Variants in RIT2 observed in about 807,000 individuals in gnomAD.
The protein encoded by RIT2 is Ras like without CAAX 2, also known as GTP-binding protein Rit2.
A neutral mutation model predicts 23.7 loss-of-function variants in RIT2; 24 were observed. The observed-to-expected ratio is 1.01, with a 90% CI of 0.73 to 1.43. The LOEUF is 1.43. Ranked by LOEUF, RIT2 falls within the 40% of genes most tolerant of loss-of-function variation. The probability of loss-of-function intolerance (pLI) is 0.00; values close to 1 mark genes in which losing one functional copy is unlikely to be tolerated. For synonymous variants in RIT2, 107 were observed against 91.1 expected, an observed-to-expected ratio of 1.17 and a Z score of -0.99; for missense variants, 236 against 266.9, an observed-to-expected ratio of 0.88 and a Z score of 0.81.
intron 4 of RIT2, among the ~76,000 whole-genome samples, chr18:42,748,682 A>T (rs28449646): frequency 0.042 from 6,342 of 152,082 alleles, 415 homozygotes; most frequent in East Asian, 0.28. Flanking sequence ...AAAACATGAA[A>T]CCAGCGCAGA....
intron 4 of RIT2, among the ~76,000 whole-genome samples, chr18:42,853,599 G>A (rs553519411): frequency 2.0e-5 from 3 of 151,954 alleles, no homozygotes; most frequent in Non-Finnish European, 4.4e-5. Flanking sequence ...TTATATTTTT[G>A]GCTTCTTTAC....
At chr18:42,906,726 A>G (rs16977124) in intron 4 of RIT2, among the ~76,000 whole-genome samples, 15,610 of 152,264 alleles carry the variant, frequency 0.1, 1,042 homozygotes, top group East Asian at 0.24. Context: ...CATTTATGGA[A>G]CACTGCCTTT....
chr18:42,862,206 T>C (rs941295617), intron 4 of RIT2, among the ~76,000 whole-genome samples: 1 of 152,126 alleles, frequency 6.6e-6, no homozygotes, highest in African/African-American at 2.4e-5. Flanking sequence ...GCTGTTCTTA[T>C]GATAGAGAGC....
intron 1 of RIT2, among the ~76,000 whole-genome samples, chr18:43,045,540 C>T (rs559023331): frequency 1.1e-4 from 16 of 152,188 alleles, no homozygotes; most frequent in African/African-American, 3.1e-4. Context: ...TTAAGGCACC[C>T]GTGATTTAAG....
At chr18:42,918,446 T>C (rs1021647111) in intron 4 of RIT2, among the ~76,000 whole-genome samples, 2 of 152,158 alleles carry the variant, frequency 1.3e-5, no homozygotes, top group Non-Finnish European at 2.9e-5. Flanking sequence ...TTAATTGAAT[T>C]TGGCTATCTA....
At chr18:43,030,965 A>T (rs1911840337) in intron 2 of RIT2, among the ~76,000 whole-genome samples, 1 of 152,106 alleles carries the variant, frequency 6.6e-6, no homozygotes, top group South Asian at 2.1e-4. Context: ...CTCACAGAAG[A>T]GTATAAGACT....
chr18:42,908,925 A>G (rs1908694513), intron 4 of RIT2, among the ~76,000 whole-genome samples: 1 of 152,162 alleles, frequency 6.6e-6, no homozygotes, highest in Admixed American at 6.6e-5. Context: ...GTGATTCCTT[A>G]AAGAACAAAA....
intron 4 of RIT2, among the ~76,000 whole-genome samples, chr18:42,795,653 C>A (rs1219146278): frequency 6.6e-6 from 1 of 152,188 alleles, no homozygotes; most frequent in African/African-American, 2.4e-5. Flanking sequence ...CCACCTGCAG[C>A]CCGGGTGCGG....
intron 4 of RIT2, chr18:42,920,828 C>G (rs1909037801): frequency 2.9e-6 from 3 of 1,037,140 alleles, no homozygotes; most frequent in Middle Eastern, 2.0e-4. Context: ...AACAATAGCA[C>G]CAGTGTAATT....
chr18:42,821,345 C>T (rs1906142012), intron 4 of RIT2, among the ~76,000 whole-genome samples: 1 of 152,002 alleles, frequency 6.6e-6, no homozygotes, highest in South Asian at 2.1e-4. Context: ...ACTGTGGCAT[C>T]AGGATGGTAC....
intron 1 of RIT2, among the ~76,000 whole-genome samples, chr18:43,039,021 C>G (rs1400291444): frequency 2.0e-5 from 3 of 151,962 alleles, no homozygotes; most frequent in Non-Finnish European, 4.4e-5. Context: ...ACCTTCCTAC[C>G]TTTTCCTTCA....
chr18:43,085,739 T>G (rs1337701112), intron 1 of RIT2, among the ~76,000 whole-genome samples: 1 of 151,554 alleles, frequency 6.6e-6, no homozygotes, highest in Admixed American at 6.6e-5. Flanking sequence ...GGTTTGGCCG[T>G]GTCCCCACTC....
chr18:42,957,614 T>C (rs1910002563), intron 3 of RIT2, among the ~76,000 whole-genome samples: 1 of 152,100 alleles, frequency 6.6e-6, no homozygotes, highest in Non-Finnish European at 1.5e-5. Flanking sequence ...CGAAGCTCTG[T>C]CTCTACTAAA....
At chr18:42,848,482 G>T (rs1568011788) in intron 4 of RIT2, among the ~76,000 whole-genome samples, 1 of 152,176 alleles carries the variant, frequency 6.6e-6, no homozygotes, top group African/African-American at 2.4e-5. Flanking sequence ...GAACAATAAT[G>T]TAGCTACAAC....
intron 3 of RIT2, among the ~76,000 whole-genome samples, chr18:42,970,603 T>C (rs1184378564): frequency 6.6e-6 from 1 of 152,006 alleles, no homozygotes; most frequent in Non-Finnish European, 1.5e-5. Context: ...TTGACAGGTA[T>C]CCAGTCCTAC....
intron 3 of RIT2, among the ~76,000 whole-genome samples, chr18:42,955,557 T>C (rs1258670225): frequency 1.3e-5 from 2 of 152,210 alleles, no homozygotes; most frequent in Non-Finnish European, 2.9e-5. Context: ...TGGCTTTCCA[T>C]GGGAAATAGC....
At chr18:43,053,134 T>C (rs993459926) in intron 1 of RIT2, among the ~76,000 whole-genome samples, 1 of 152,038 alleles carries the variant, frequency 6.6e-6, no homozygotes, top group Non-Finnish European at 1.5e-5. Flanking sequence ...AGGATTTAAA[T>C]TGCAATGCTG....
intron 1 of RIT2, among the ~76,000 whole-genome samples, chr18:43,062,690 C>T (rs1040763252): frequency 3.3e-5 from 5 of 152,036 alleles, no homozygotes; most frequent in African/African-American, 4.8e-5. Context: ...TAGAACAGAG[C>T]TGGGAAAAGT....
chr18:42,815,914 T>TA (rs533556906), intron 4 of RIT2, among the ~76,000 whole-genome samples: 105 of 152,236 alleles, frequency 6.9e-4, no homozygotes, highest in Admixed American at 1.3e-3. Flanking sequence ...GGGACAAACA[T>TA]AACAACCATA....
Sources: allele counts gnomAD v4.1 joint callset (sites outside exome capture counted in the v4.1 genomes callset), GRCh38; gene constraint gnomAD v4.1.1; transcripts MANE v1.5; gene names NCBI Gene and HGNC (gene_info 2026-07-23, HGNC 2026-07-21).